LRRTM4: variants seen among roughly 807,000 people sequenced by gnomAD.
LRRTM4 encodes the protein leucine rich repeat transmembrane neuronal 4.
In LRRTM4, 25 loss-of-function variants were observed where a neutral mutation model predicts 47.6. The observed-to-expected ratio is 0.53, with a 90% confidence interval of 0.38 to 0.73. LRRTM4 has a LOEUF of 0.73. Ranked by LOEUF, LRRTM4 falls within the 30% of genes least tolerant of loss-of-function variation. The pLI is 0.00. For synonymous variants in LRRTM4, 311 were observed against 269.5 expected (o/e 1.15, Z -1.51); for missense variants, 638 against 713.4 (o/e 0.89, Z 1.20).
intron 3 of LRRTM4, among the ~76,000 whole-genome samples, chr2:77,154,524 A>G (rs998826726): frequency 3.3e-5 from 5 of 152,174 alleles, no homozygotes; most frequent in African/African-American, 1.2e-4. Context: ...CTGCTGAAAC[A>G]AGTATACATA....
At chr2:77,047,336 T>G (rs751550651) in intron 3 of LRRTM4, among the ~76,000 whole-genome samples, 2 of 152,056 alleles carry the variant, frequency 1.3e-5, no homozygotes, top group Non-Finnish European at 2.9e-5. Context: ...AAGTTAAAAG[T>G]GCAATATATT....
chr2:77,060,542 A>G (rs548533591), intron 3 of LRRTM4, among the ~76,000 whole-genome samples: 4 of 152,296 alleles, frequency 2.6e-5, no homozygotes, highest in South Asian at 4.2e-4. Flanking sequence ...ATATTTTGAG[A>G]AAACCCAGCA....
At chr2:77,180,471 C>G (rs1673317204) in intron 3 of LRRTM4, among the ~76,000 whole-genome samples, 2 of 152,058 alleles carry the variant, frequency 1.3e-5, no homozygotes, top group Admixed American at 1.3e-4. Flanking sequence ...ATTTTTGTGA[C>G]CTGTATAAGT....
At chr2:76,887,409 A>G (rs543281993) in intron 3 of LRRTM4, among the ~76,000 whole-genome samples, 1 of 151,564 alleles carries the variant, frequency 6.6e-6, no homozygotes, top group Non-Finnish European at 1.5e-5. Flanking sequence ...ACCATGATAG[A>G]TGTAAATATA....
At chr2:77,354,431 G>A (rs1671896033) in intron 3 of LRRTM4, among the ~76,000 whole-genome samples, 1 of 151,512 alleles carries the variant, frequency 6.6e-6, no homozygotes, top group Non-Finnish European at 1.5e-5. Flanking sequence ...TATTTATTGG[G>A]TGGGGGTGGG....
chr2:77,031,529 A>G (rs1678656005), intron 3 of LRRTM4, among the ~76,000 whole-genome samples: 1 of 152,146 alleles, frequency 6.6e-6, no homozygotes, highest in Admixed American at 6.5e-5. Context: ...AACAATTATC[A>G]AAGACTGTAG....
At chr2:77,189,728 T>C (rs1673612051) in intron 3 of LRRTM4, among the ~76,000 whole-genome samples, 1 of 151,866 alleles carries the variant, frequency 6.6e-6, no homozygotes, top group African/African-American at 2.4e-5. Context: ...AAGCCTGAAC[T>C]TACTTTATAC....
At chr2:76,757,131 C>T (rs1673059809) in intron 3 of LRRTM4, among the ~76,000 whole-genome samples, 2 of 152,126 alleles carry the variant, frequency 1.3e-5, no homozygotes, top group South Asian at 4.1e-4. Context: ...ATGTGTATAG[C>T]AGATTGAGCA....
chr2:77,082,910 G>A (rs72927334), intron 3 of LRRTM4, among the ~76,000 whole-genome samples: 3,049 of 152,052 alleles, frequency 0.02, 115 homozygotes, highest in African/African-American at 0.069. Context: ...TTAGAAGAAC[G>A]ACTTGTTGTG....
At chr2:76,899,259 A>T (rs183295584) in intron 3 of LRRTM4, among the ~76,000 whole-genome samples, 2 of 151,830 alleles carry the variant, frequency 1.3e-5, no homozygotes, top group Admixed American at 1.3e-4. Flanking sequence ...CTGCAAAAAC[A>T]CCTGCCCTCA....
intron 3 of LRRTM4, among the ~76,000 whole-genome samples, chr2:77,166,502 A>G (rs183899487): frequency 6.0e-4 from 92 of 152,322 alleles, no homozygotes; most frequent in African/African-American, 2.1e-3. Context: ...TGCCAAGACA[A>G]TACTAAGCCA....
chr2:77,350,399 T>C (rs1480796816), intron 3 of LRRTM4, among the ~76,000 whole-genome samples: 1 of 148,860 alleles, frequency 6.7e-6, no homozygotes, highest in Non-Finnish European at 1.5e-5. Context: ...AATATGAATT[T>C]AGAAAAAATT....
chr2:77,512,060 C>T (rs1178468696), intron 3 of LRRTM4, among the ~76,000 whole-genome samples: 5 of 152,098 alleles, frequency 3.3e-5, no homozygotes, highest in South Asian at 4.1e-4. Context: ...TGGCCTTCAG[C>T]GATCTTCCTA....
At chr2:76,948,488 T>A (rs1558756639) in intron 3 of LRRTM4, among the ~76,000 whole-genome samples, 1 of 151,860 alleles carries the variant, frequency 6.6e-6, no homozygotes, top group Admixed American at 6.6e-5. Flanking sequence ...TCTCTTTTCA[T>A]ATTTTTTTGA....
At chr2:76,925,881 A>G (rs1477368003) in intron 3 of LRRTM4, among the ~76,000 whole-genome samples, 10 of 152,142 alleles carry the variant, frequency 6.6e-5, no homozygotes, top group Non-Finnish European at 1.5e-4. Flanking sequence ...TTTATAATGA[A>G]AGCATCCTAA....
chr2:76,919,970 T>A (rs970030550), intron 3 of LRRTM4, among the ~76,000 whole-genome samples: 6 of 152,290 alleles, frequency 3.9e-5, no homozygotes, highest in African/African-American at 1.2e-4. Flanking sequence ...TTACTCATTT[T>A]TTTTTGAAAT....
intron 3 of LRRTM4, among the ~76,000 whole-genome samples, chr2:77,185,955 C>T (rs1234319599): frequency 6.6e-6 from 1 of 152,026 alleles, no homozygotes; most frequent in African/African-American, 2.4e-5. Context: ...TGTTTGTGAA[C>T]CCTTTGGTAC....
chr2:77,179,356 G>A (rs891456605), intron 3 of LRRTM4, among the ~76,000 whole-genome samples: 72 of 152,248 alleles, frequency 4.7e-4, no homozygotes, highest in African/African-American at 1.6e-3. Context: ...AAAAGTCAAT[G>A]AACAAAGTCA....
chr2:77,026,784 G>T (rs1678468968), intron 3 of LRRTM4, among the ~76,000 whole-genome samples: 1 of 151,952 alleles, frequency 6.6e-6, no homozygotes, highest in Non-Finnish European at 1.5e-5. Context: ...CTGCATATTT[G>T]GGGAAGCCAC....
Sources: gnomAD v4.1 joint callset for allele counts (sites outside exome capture counted in the v4.1 genomes callset) on GRCh38, gnomAD v4.1.1 for gene constraint, MANE v1.5 for transcripts, NCBI Gene and HGNC (gene_info 2026-07-23, HGNC 2026-07-21) for gene names.